Variants in ZNF185 observed in about 807,000 individuals in gnomAD.
ZNF185 encodes zinc finger protein 185 with LIM domain.
In ZNF185, 56 loss-of-function variants were observed where a neutral mutation model predicts 58.6. The observed-to-expected ratio is 0.95, with a 90% confidence interval of 0.77 to 1.19. The LOEUF is 1.19. Among genes scored for constraint, ZNF185 ranks in the 50% most tolerant of loss-of-function variants. The pLI, the probability that ZNF185 is intolerant of heterozygous loss-of-function variation, is 0.00. For missense variants in ZNF185, 627 were observed against 573.5 expected (o/e 1.09, Z -0.95); for synonymous variants, 230 against 215.9 (o/e 1.07, Z -0.57).
rs782234125 is a variant in ZNF185 at position 152,934,838 on chromosome X, T to C, written c.1121+1867T>C. ...ATCCTCTCCTCTCCTCTCCTCTCCT[T>C]TTTCAGACAGGACCTTGCTCTGTCA... is the stretch of plus-strand genomic sequence containing the variant. On this transcript the variant is annotated intron_variant, in intron 14 of 22. Transcript: ENST00000449285. Among the ~76,000 whole-genome samples the C allele has an allele frequency of 2.2e-4, 25 of 111,795 alleles. No individual in the cohort carries two copies. In the South Asian group the frequency reaches 9.0e-3, roughly 40 times the overall value.
upstream of ZNF185, among the ~76,000 whole-genome samples, chrX:152,912,556 C>T (rs1318416811): frequency 8.9e-6 from 1 of 111,778 alleles, no homozygotes; most frequent in Non-Finnish European, 1.9e-5. Context: ...ATGACCGTCA[C>T]CTGCTTGCCA....
At chrX:152,921,413 G>A (rs1373702643) in intron 9 of ZNF185, among the ~76,000 whole-genome samples, 2 of 110,179 alleles carry the variant, frequency 1.8e-5, no homozygotes, top group African/African-American at 6.6e-5. Flanking sequence ...CCAGGCAGAG[G>A]GCCCCAGTGC....
At chrX:152,902,671 C>T in the ZNF185 span, among the ~76,000 whole-genome samples, 13 of 112,120 alleles carry the variant, frequency 1.2e-4, no homozygotes, top group African/African-American at 2.6e-4. Flanking sequence ...CCCAGCCTGG[C>T]GGTTAGGGCT....
the ZNF185 span, among the ~76,000 whole-genome samples, chrX:152,904,056 A>G: frequency 8.9e-6 from 1 of 112,351 alleles, no homozygotes; most frequent in Non-Finnish European, 1.9e-5. Flanking sequence ...TTCTTTTTCC[A>G]TATTATATTT....
intron 16 of ZNF185, among the ~76,000 whole-genome samples, chrX:152,948,604 T>C (rs2048005918): frequency 9.0e-6 from 1 of 111,602 alleles, no homozygotes; most frequent in African/African-American, 3.3e-5. Context: ...CCGGGTTCCC[T>C]CAGAAATTTG....
At chrX:152,970,636 A>G in intron 22 of ZNF185, 95 bp downstream of exon 24, 2 of 764,456 alleles carry the variant, frequency 2.6e-6, no homozygotes, top group Non-Finnish European at 1.9e-6. Flanking sequence ...CCCCAGACAC[A>G]GCTATCTTTC....
intron 5 of ZNF185, 101 bp downstream of exon 6, chrX:152,917,463 C>A (rs1556866764): frequency 7.0e-6 from 7 of 997,381 alleles, no homozygotes; most frequent in Non-Finnish European, 9.8e-6. Context: ...GACTGTGGGG[C>A]CTTGGAGGTG....
At chrX:152,913,658 C>A (rs1372377250), upstream of ZNF185, among the ~76,000 whole-genome samples, 1 of 112,305 alleles carries the variant, frequency 8.9e-6, no homozygotes, top group African/African-American at 3.2e-5. Flanking sequence ...GGCAGTGGGG[C>A]CCTGGGCTTT....
the ZNF185 span, among the ~76,000 whole-genome samples, chrX:152,899,817 A>G: frequency 8.9e-6 from 1 of 111,788 alleles, no homozygotes; most frequent in African/African-American, 3.3e-5. Flanking sequence ...GGCAGCCACC[A>G]GGTCAAGGCC....
chrX:152,939,039 A>C (rs782246643), intron 15 of ZNF185, among the ~76,000 whole-genome samples: 1 of 111,565 alleles, frequency 9.0e-6, no homozygotes, highest in African/African-American at 3.3e-5. Flanking sequence ...GAGCTTGGCC[A>C]GTGAGGAGGG....
At chrX:152,953,335 G>A (rs782078069) in intron 16 of ZNF185, among the ~76,000 whole-genome samples, 19 of 111,819 alleles carry the variant, frequency 1.7e-4, no homozygotes, top group Non-Finnish European at 1.3e-4. Flanking sequence ...AAAGAACTGG[G>A]AAGAGCTCAT....
chrX:152,963,898 C>G, exon 18 of ZNF185: 1 of 1,211,798 alleles, frequency 8.3e-7, no homozygotes, highest in Non-Finnish European at 1.1e-6. Context: ...TCTGAGCAGC[C>G]TCACATTTAT....
intron 15 of ZNF185, among the ~76,000 whole-genome samples, chrX:152,941,991 C>T (rs1477136320): frequency 1.8e-5 from 2 of 112,082 alleles, no homozygotes; most frequent in Non-Finnish European, 3.8e-5. Flanking sequence ...ACACTGGACA[C>T]GGGTCGTCAG....
At chrX:152,962,063 C>G (rs1172201938) in intron 17 of ZNF185, among the ~76,000 whole-genome samples, 3 of 111,515 alleles carry the variant, frequency 2.7e-5, no homozygotes, top group African/African-American at 9.8e-5. Context: ...CGGCTGAGAC[C>G]TGAAACATCT....
chrX:152,903,388 CAAAAAAAAAAAAAAAA>C, the ZNF185 span, among the ~76,000 whole-genome samples: 5 of 35,854 alleles, frequency 1.4e-4, no homozygotes, highest in East Asian at 4.4e-3. Flanking sequence ...AGACTCGTCT[CAAAAAAAAAAAAAAAA>C]AAAAAAAAAA....
At chrX:152,928,767 T>G in intron 12 of ZNF185, 106 bp downstream of exon 13, 1 of 813,376 alleles carries the variant, frequency 1.2e-6, no homozygotes, top group Non-Finnish European at 1.8e-6. Context: ...TCTGCCACTG[T>G]AGGGCCAACA....
intron 11 of ZNF185, among the ~76,000 whole-genome samples, chrX:152,927,106 G>C (rs2125424199): frequency 8.9e-6 from 1 of 112,614 alleles, no homozygotes; most frequent in East Asian, 2.8e-4. Context: ...AGAAACGCCA[G>C]TGAGAAAATA....
chrX:152,937,422 T>C (rs2046434905), intron 14 of ZNF185, among the ~76,000 whole-genome samples: 1 of 111,442 alleles, frequency 9.0e-6, no homozygotes, highest in African/African-American at 3.3e-5. Flanking sequence ...GTCAGCAGCT[T>C]AATTCTTTCT....
At chrX:152,898,511 A>C in the ZNF185 span, among the ~76,000 whole-genome samples, 1 of 112,288 alleles carries the variant, frequency 8.9e-6, no homozygotes, top group Non-Finnish European at 1.9e-5. Flanking sequence ...CCCTTTAGGA[A>C]AGACACGGTT....
Sources: allele counts gnomAD v4.1 joint callset (sites outside exome capture counted in the v4.1 genomes callset), GRCh38; gene constraint gnomAD v4.1.1; transcripts MANE v1.5; gene names NCBI Gene and HGNC (gene_info 2026-07-23, HGNC 2026-07-21).